The following TBCEL variants were observed in gnomAD, a reference collection of about 807,000 sequenced individuals.
TBCEL encodes the protein tubulin-specific chaperone cofactor E-like protein.
Under a neutral mutation model 44.2 loss-of-function variants are expected in TBCEL, and 15 were observed. The observed-to-expected ratio is 0.34, with a 90% CI of 0.23 to 0.52. The LOEUF is 0.52. TBCEL is among the 20% of genes least tolerant of loss of function. The probability of loss-of-function intolerance (pLI) is 0.95; values close to 1 mark genes in which losing one functional copy is unlikely to be tolerated. For synonymous variants in TBCEL, 171 were observed against 185.4 expected, an observed-to-expected ratio of 0.92 and a Z score of 0.63; for missense variants, 319 against 506.3, an observed-to-expected ratio of 0.63 and a Z score of 3.55.
At chr11:121,063,817 A>G (rs983220784) in intron 8 of TBCEL, among the ~76,000 whole-genome samples, 3 of 151,980 alleles carry the variant, frequency 2.0e-5, no homozygotes, top group African/African-American at 7.3e-5. Context: ...GTGGATCTCA[A>G]TCTTTTCTGG....
chr11:121,024,637 C>T (rs958545243), intron 1 of TBCEL, among the ~76,000 whole-genome samples: 2 of 152,062 alleles, frequency 1.3e-5, no homozygotes, highest in African/African-American at 4.8e-5. Context: ...CTTGCCCCAG[C>T]GTGGGGGATG....
intron 1 of TBCEL, among the ~76,000 whole-genome samples, chr11:121,025,878 TTTGA>T (rs747941910): frequency 3.4e-5 from 5 of 147,550 alleles, no homozygotes; most frequent in Non-Finnish European, 7.5e-5. Context: ...TGCCTGATCA[TTTGA>T]TTGATGAAAT....
intron 8 of TBCEL, among the ~76,000 whole-genome samples, chr11:121,063,667 A>C (rs1945765708): frequency 6.6e-6 from 1 of 152,122 alleles, no homozygotes; most frequent in African/African-American, 2.4e-5. Context: ...TGATGCTCTC[A>C]TTTTTCTACA....
intron 8 of TBCEL, among the ~76,000 whole-genome samples, chr11:121,066,059 G>A (rs1945814450): frequency 6.6e-6 from 1 of 152,206 alleles, no homozygotes; most frequent in Non-Finnish European, 1.5e-5. Flanking sequence ...AATGAATACT[G>A]TGTGGCTTAC....
intron 8 of TBCEL, among the ~76,000 whole-genome samples, chr11:121,074,812 A>G (rs1253687861): frequency 6.6e-6 from 1 of 151,992 alleles, no homozygotes; most frequent in Non-Finnish European, 1.5e-5. Flanking sequence ...TGTCGGATAA[A>G]TGGAATCATG....
intron 8 of TBCEL, among the ~76,000 whole-genome samples, chr11:121,079,307 A>G (rs971864829): frequency 6.6e-6 from 1 of 152,208 alleles, no homozygotes; most frequent in Non-Finnish European, 1.5e-5. Flanking sequence ...CCCCAAGTGT[A>G]GGTGATAATA....
chr11:121,050,630 A>G (rs752831155), intron 4 of TBCEL, among the ~76,000 whole-genome samples: 17 of 151,594 alleles, frequency 1.1e-4, no homozygotes, highest in Non-Finnish European at 2.2e-4. Flanking sequence ...TATCAAAACC[A>G]TTTTATAAAA....
At chr11:121,063,328 A>G (rs1289843192) in intron 8 of TBCEL, among the ~76,000 whole-genome samples, 1 of 152,170 alleles carries the variant, frequency 6.6e-6, no homozygotes, top group Admixed American at 6.5e-5. Context: ...ATATCTACGC[A>G]TACATTTTCC....
At chr11:121,076,731 C>T (rs955649222) in intron 8 of TBCEL, among the ~76,000 whole-genome samples, 2 of 151,936 alleles carry the variant, frequency 1.3e-5, no homozygotes, top group African/African-American at 4.8e-5. Context: ...AACACCTAGC[C>T]TTTTTCCCTG....
intron 2 of TBCEL, among the ~76,000 whole-genome samples, chr11:121,042,347 C>A (rs1263309958): frequency 6.6e-6 from 1 of 152,098 alleles, no homozygotes; most frequent in Non-Finnish European, 1.5e-5. Context: ...TTGCTAGTGG[C>A]ATAGCACCTG....
At chr11:121,027,278 T>C (rs12577611) in intron 1 of TBCEL, among the ~76,000 whole-genome samples, 17,967 of 152,290 alleles carry the variant, frequency 0.12, 1,342 homozygotes, top group East Asian at 0.33. Context: ...TGATTAGTTA[T>C]TGAGATTTAC....
chr11:121,039,596 T>G (rs1945295457), intron 2 of TBCEL, among the ~76,000 whole-genome samples: 5 of 152,204 alleles, frequency 3.3e-5, no homozygotes, highest in Admixed American at 3.3e-4. Flanking sequence ...GAAATAAACC[T>G]AATTGGGAGA....
At chr11:121,083,836 G>GA (rs935881360) in intron 8 of TBCEL, among the ~76,000 whole-genome samples, 4 of 151,726 alleles carry the variant, frequency 2.6e-5, no homozygotes, top group South Asian at 2.1e-4. Context: ...ATTTATTTCT[G>GA]AAAAAAAACT....
chr11:121,036,456 G>A (rs1451290585), intron 1 of TBCEL, 49 bp from the exon 2 acceptor site: 2 of 152,144 alleles, frequency 1.3e-5, no homozygotes, highest in African/African-American at 2.4e-5. Flanking sequence ...CTTTTTGGTT[G>A]TTTTTGTTGC....
chr11:121,050,130 A>G (rs757194274), intron 4 of TBCEL, among the ~76,000 whole-genome samples: 9 of 151,750 alleles, frequency 5.9e-5, no homozygotes, highest in Non-Finnish European at 1.2e-4. Flanking sequence ...GAACATAGAA[A>G]AGGGAGAAAT....
chr11:121,055,331 T>C (rs752877514), intron 6 of TBCEL, 23 bp downstream of exon 6: 2 of 1,559,366 alleles, frequency 1.3e-6, no homozygotes, highest in African/African-American at 1.4e-5. Flanking sequence ...CTTGTTCTTA[T>C]TCTACATGCA....
At chr11:121,058,287 T>A in intron 6 of TBCEL, 58 bp from the exon 7 acceptor site, 1 of 1,580,518 alleles carries the variant, frequency 6.3e-7, no homozygotes, top group Middle Eastern at 1.7e-4. Context: ...TTTGCTATGT[T>A]TCTCTTCTTA....
At chr11:121,064,827 T>G (rs547686024) in intron 8 of TBCEL, among the ~76,000 whole-genome samples, 44 of 152,234 alleles carry the variant, frequency 2.9e-4, no homozygotes, top group Non-Finnish European at 8.8e-5. Flanking sequence ...TATTTTCTTT[T>G]TAATTTTTTT....
intron 8 of TBCEL, among the ~76,000 whole-genome samples, chr11:121,081,840 A>G (rs978319603): frequency 2.6e-5 from 4 of 152,192 alleles, no homozygotes; most frequent in South Asian, 4.1e-4. Flanking sequence ...ATATATATAT[A>G]TGTATGTATA....
Sources: gnomAD v4.1 joint callset for allele counts (sites outside exome capture counted in the v4.1 genomes callset) on GRCh38, gnomAD v4.1.1 for gene constraint, MANE v1.5 for transcripts, NCBI Gene and HGNC (gene_info 2026-07-23, HGNC 2026-07-21) for gene names.